Variants in ASTN1 observed in about 807,000 individuals in gnomAD.
The protein encoded by ASTN1 is astrotactin-1.
Under a neutral mutation model 140.7 loss-of-function variants are expected in ASTN1, and 41 were observed. The ratio of observed to expected loss-of-function variants is 0.29; its 90% CI spans 0.23 to 0.38. The LOEUF (loss-of-function observed/expected upper bound fraction) is 0.38, where lower values mean the gene tolerates loss of function less well. Ranked by LOEUF, ASTN1 falls within the 10% of genes least tolerant of loss-of-function variation. ASTN1 has a pLI of 1.00. For missense variants in ASTN1, 1,479 were observed against 1,678.8 expected (o/e 0.88, Z 2.08); for synonymous variants, 640 against 652.2 (o/e 0.98, Z 0.29).
intron 1 of ASTN1, among the ~76,000 whole-genome samples, chr1:177,102,910 TTTGAG>T (rs1680368488): frequency 6.6e-6 from 1 of 152,216 alleles, no homozygotes; most frequent in African/African-American, 2.4e-5. Flanking sequence ...GATATATTGC[TTTGAG>T]TTATCAGAAC....
chr1:177,161,056 G>T (rs1417789418), intron 1 of ASTN1, among the ~76,000 whole-genome samples: 1 of 152,130 alleles, frequency 6.6e-6, no homozygotes, highest in East Asian at 1.9e-4. Flanking sequence ...ATCACAATTT[G>T]CAAACCCCAT....
At chr1:176,882,481 T>C (rs1480647496) in intron 20 of ASTN1, among the ~76,000 whole-genome samples, 2 of 152,258 alleles carry the variant, frequency 1.3e-5, no homozygotes, top group African/African-American at 4.8e-5. Context: ...GTTGAAATTC[T>C]ACACAACACA....
At chr1:177,047,603 A>C (rs1356894045) in intron 2 of ASTN1, among the ~76,000 whole-genome samples, 1 of 152,088 alleles carries the variant, frequency 6.6e-6, no homozygotes, top group Non-Finnish European at 1.5e-5. Context: ...AGAAGACAAG[A>C]GTGAAGAGGA....
chr1:177,149,419 GTATATATATAGTAAA>G (rs1682904824), intron 1 of ASTN1, among the ~76,000 whole-genome samples: 2 of 65,784 alleles, frequency 3.0e-5, no homozygotes, highest in Admixed American at 2.5e-4. Flanking sequence ...TATATATATA[GTATATATATAGTAAA>G]TATATATATA....
intron 17 of ASTN1, among the ~76,000 whole-genome samples, chr1:176,889,465 T>C (rs983193951): frequency 1.3e-5 from 2 of 151,694 alleles, no homozygotes; most frequent in Non-Finnish European, 2.9e-5. Context: ...GACCAAAGAA[T>C]TCAAAAGAAA....
intron 1 of ASTN1, among the ~76,000 whole-genome samples, chr1:177,121,893 C>T (rs187372573): frequency 4.8e-4 from 73 of 152,220 alleles, no homozygotes; most frequent in African/African-American, 1.6e-3. Flanking sequence ...AAATGGTGGC[C>T]CTGCTGGCAG....
rs558654001 is a variant in ASTN1 at position 176,939,173 on chromosome 1, T to C, written c.2378-2803A>G. On this transcript the variant is annotated intron_variant, in intron 14 of 22. Transcript: ENST00000361833. ...AGTATCATAGTATCATACACATACA[T>C]GGCCTCCACAATGTTATCATCTTCA... 2.0e-5 allele frequency among the ~76,000 whole-genome samples: 3 copies of C among 152,204 alleles called. No individual in the cohort carries two copies. In the South Asian group the frequency reaches 6.2e-4, roughly 32 times the overall value.
chr1:177,032,538 C>T lies in ASTN1; in HGVS notation c.783G>A (p.Gly261=). ...GCGTGACCTGGCTGGCAAAGTCCTC[C>T]CCTCCGTTCATGCACTCCCTCTGCA... ...HHLQRECMNG[G]EDFASQVTRT... is the part of the protein sequence containing the mutation. The change falls in exon 3 of 23, where the codon GGG becomes GGA. Residue 261 remains glycine (G), a synonymous_variant. Transcript: ENST00000361833. 6.2e-7 allele frequency: 1 copy of T among 1,614,134 alleles called. No homozygotes were observed. The highest frequency in any genetic ancestry group is 1.3e-5 in the African/African-American group (1 of 75,046).
At chr1:177,112,552 C>T (rs1380176853) in intron 1 of ASTN1, among the ~76,000 whole-genome samples, 1 of 152,168 alleles carries the variant, frequency 6.6e-6, no homozygotes, top group Non-Finnish European at 1.5e-5. Context: ...GGAGAAATGG[C>T]TTCAAATAAA....
intron 1 of ASTN1, among the ~76,000 whole-genome samples, chr1:177,100,654 A>G (rs1167152557): frequency 6.6e-6 from 1 of 152,180 alleles, no homozygotes; most frequent in Non-Finnish European, 1.5e-5. Context: ...GATGGAACTC[A>G]GATATTGAAA....
chr1:177,132,177 T>C (rs1681974629), intron 1 of ASTN1, among the ~76,000 whole-genome samples: 1 of 152,202 alleles, frequency 6.6e-6, no homozygotes, highest in Non-Finnish European at 1.5e-5. Flanking sequence ...CCTTTATAAT[T>C]GAAGGAGGTG....
At chr1:177,106,769 G>T (rs1390950113) in intron 1 of ASTN1, among the ~76,000 whole-genome samples, 2 of 152,182 alleles carry the variant, frequency 1.3e-5, no homozygotes, top group African/African-American at 4.8e-5. Flanking sequence ...AAGCTGAATG[G>T]CGTTCAAATG....
chr1:177,090,167 C>G (rs1271700728), intron 1 of ASTN1, among the ~76,000 whole-genome samples: 1 of 151,784 alleles, frequency 6.6e-6, no homozygotes, highest in South Asian at 2.1e-4. Context: ...GAGAGCCAAC[C>G]ACCACAATAT....
chr1:177,130,894 G>T (rs1323859303), intron 1 of ASTN1, among the ~76,000 whole-genome samples: 1 of 152,240 alleles, frequency 6.6e-6, no homozygotes, highest in Non-Finnish European at 1.5e-5. Flanking sequence ...GGTCCCTTGA[G>T]AAGGAGAAAG....
At chr1:176,944,114 G>A (rs936205256) in intron 13 of ASTN1, 96 bp from the exon 14 acceptor site, 30 of 1,495,410 alleles carry the variant, frequency 2.0e-5, no homozygotes, top group Non-Finnish European at 2.5e-5. Context: ...TTTCACTCTT[G>A]TTGCCCAGGC....
chr1:177,068,278 A>G (rs1465410630), intron 1 of ASTN1, among the ~76,000 whole-genome samples: 1 of 152,200 alleles, frequency 6.6e-6, no homozygotes, highest in African/African-American at 2.4e-5. Flanking sequence ...CCACAGAACT[A>G]TGTGGAACAA....
At chr1:176,861,018 C>G (rs1040345521), downstream of ASTN1, 1 of 898,174 alleles carries the variant, frequency 1.1e-6, no homozygotes, top group Non-Finnish European at 1.3e-6. Context: ...CCTGATGAGT[C>G]TAACCAGTTC....
rs551989321 is a variant in ASTN1, at chr1:177,039,552, G to C, written c.472-6703C>G. Among the ~76,000 whole-genome samples, 5 of 152,290 alleles carry C rather than the reference G, an allele frequency of 3.3e-5. No individual in the cohort carries two copies. The South Asian group carries it at 6.2e-4, about 19-fold the overall frequency. On this transcript the variant is annotated intron_variant, in intron 2 of 22. Transcript: ENST00000361833. ...ATAAAGCAGTTGGATAACTTCTCAA[G>C]GTCCCTTCTGATCCTGTGATACTAC...
chr1:177,142,688 T>TTC (rs1682526450), intron 1 of ASTN1, among the ~76,000 whole-genome samples: 1 of 152,168 alleles, frequency 6.6e-6, no homozygotes, highest in Admixed American at 6.5e-5. Context: ...CTAAGAAAGA[T>TTC]TCTGCTTTAA....
Sources: allele counts gnomAD v4.1 joint callset (sites outside exome capture counted in the v4.1 genomes callset), GRCh38; gene constraint gnomAD v4.1.1; transcripts MANE v1.5; gene names NCBI Gene and HGNC (gene_info 2026-07-23, HGNC 2026-07-21).